Variants in C1RL observed in about 807,000 individuals in gnomAD.
The protein encoded by C1RL is complement C1r subcomponent-like protein.
Under a neutral mutation model 27.9 loss-of-function variants are expected in C1RL, and 27 were observed. That is an observed-to-expected ratio of 0.97 (90% CI 0.71 to 1.33). The LOEUF (loss-of-function observed/expected upper bound fraction) is 1.33. C1RL is among the 40% of genes most tolerant of loss of function. The pLI is 0.00. For synonymous variants in C1RL, 248 were observed against 252.1 expected, an observed-to-expected ratio of 0.98 and a Z score of 0.15; for missense variants, 563 against 623.9, an observed-to-expected ratio of 0.90 and a Z score of 1.04.
intron 3 of C1RL, among the ~76,000 whole-genome samples, 168 bp from the exon 4 acceptor site, chr12:7,100,194 G>C (rs1326867610): frequency 6.6e-6 from 1 of 152,182 alleles, no homozygotes; most frequent in African/African-American, 2.4e-5. Context: ...CACTCAAAGA[G>C]TTTGAAGATA....
At chr12:7,108,965 AGGTGTGTGTGTGTGTG>A (rs1938851250) in intron 1 of C1RL, 129 bp downstream of exon 1, 1 of 415,938 alleles carries the variant, frequency 2.4e-6, no homozygotes, top group South Asian at 1.9e-5. Flanking sequence ...TATGTGGGGG[AGGTGTGTGTGTGTGTG>A]TGTGTGTGGG....
Position 7,109,172 on chromosome 12 carries a change from T to C in C1RL, c.9A>G (p.Gly3=). The C allele has an allele frequency of 1.9e-6, 3 of 1,600,778 alleles. No individual in the cohort carries two copies. Among genetic ancestry groups the C allele is most frequent in the Non-Finnish European group, 2.6e-6 (3 of 1,173,042 alleles). ...AGAGATATTTCCCCCACACTCTGGGTCCAGGCATCTGGAACTGGACATCTG... is the reference window on the plus strand; with the variant it reads ...AGAGATATTTCCCCCACACTCTGGGCCCAGGCATCTGGAACTGGACATCTG... The part of the protein sequence containing the change: MP[G]PRVWGKYLWR... The change falls in exon 1 of 6, where the codon GGA becomes GGG. Residue 3 remains glycine, a synonymous_variant. Coordinates refer to ENST00000266542, the MANE Select transcript of C1RL (RefSeq NM_016546.4).
chr12:7,096,560 C>G lies in C1RL; in HGVS notation c.1295G>C (p.Cys432Ser), dbSNP rs772105163. Reference sequence around the variant, plus strand: ...ATAGACGCTGCCACTGTCCCCCTGGCAGACACTGTGCCTTTGCGTCTCATC... The same window carrying G: ...ATAGACGCTGCCACTGTCCCCCTGGGAGACACTGTGCCTTTGCGTCTCATC... ...VGDETQRHSV[C>S]QGDSGSVYVV... is the part of the protein sequence containing the mutation. Residue 432 changes from cysteine (C) to serine (S), a missense_variant, in exon 6 of 6, where the codon TGC becomes TCC. Physicochemically the swap from Cys to Ser is moderately radical, Grantham distance 112. Coordinates refer to ENST00000266542, the MANE Select transcript of C1RL (RefSeq NM_016546.4). 3.1e-6 allele frequency: 5 copies of G among 1,614,176 alleles called. No individual in the cohort carries two copies. Among genetic ancestry groups the G allele is most frequent in the Non-Finnish European group, 4.2e-6 (5 of 1,180,034 alleles).
chr12:7,102,197 G>A (rs954646450), intron 2 of C1RL, 110 bp from the exon 3 acceptor site: 10 of 1,141,698 alleles, frequency 8.8e-6, no homozygotes, highest in East Asian at 7.2e-5. Flanking sequence ...TAGACGGGCC[G>A]TGCCCCTCTG....
chr12:7,101,325 C>T (rs1296827664), intron 3 of C1RL, among the ~76,000 whole-genome samples: 2 of 150,788 alleles, frequency 1.3e-5, no homozygotes, highest in Non-Finnish European at 3.0e-5. Flanking sequence ...GGCTGGAGTG[C>T]GGTGGCATGA....
intron 2 of C1RL, among the ~76,000 whole-genome samples, chr12:7,107,082 A>G (rs148541746): frequency 1.3e-5 from 2 of 152,318 alleles, no homozygotes; most frequent in Non-Finnish European, 2.9e-5. Context: ...AGCTACATGA[A>G]TTGGCAAATG....
Position 7,099,041 on chromosome 12 carries a change from C to CA in C1RL, c.691+644dup, listed in dbSNP as rs35402492. Among the ~76,000 whole-genome samples, 500 of 127,616 alleles carry CA rather than the reference C, an allele frequency of 3.9e-3. 1 individual carries two copies. The highest frequency in any genetic ancestry group is 0.013 in the East Asian group (59 of 4,566). The allele number at this position is 127,616 out of a possible 152,430, so 83.7% of individuals were successfully genotyped here. On this transcript the variant is annotated intron_variant, in intron 5 of 5. Transcript: ENST00000266542. The stretch of plus-strand genomic sequence containing the variant: ...TGAAACCCTGTCTCTACTAAAAATA[C>CA]AAAAAAAAAAAAAAAATAAAATAAA...
At chr12:7,105,914 C>A (rs911917454) in intron 2 of C1RL, among the ~76,000 whole-genome samples, 2 of 151,846 alleles carry the variant, frequency 1.3e-5, no homozygotes, top group Non-Finnish European at 2.9e-5. Context: ...GTAAATAGAA[C>A]AAAACAGATA....
rs930283053 is a variant in C1RL, at chr12:7,100,132, T to C, written c.491-106A>G. 6 of 1,118,656 alleles carry C rather than the reference T, an allele frequency of 5.4e-6. No homozygotes were observed. The Admixed American group carries it at 8.7e-5, about 16-fold the overall frequency. The allele number at this position is 1,118,656 out of a possible 1,614,324, so 69.3% of individuals were successfully genotyped here. A position where few individuals can be genotyped will look rare whatever the true frequency, so the allele number is the denominator to read the frequency against. On this transcript the variant is annotated intron_variant, in intron 3 of 5. Coordinates refer to ENST00000266542, the MANE Select transcript of C1RL (RefSeq NM_016546.4). ...GACTTGCACAGTGTTTTATTTTTTA[T>C]TTTTAGTTTTTTTAAAACATTTGAG...
intron 1 of C1RL, 38 bp downstream of exon 1, chr12:7,109,072 C>G (rs752058498): frequency 2.2e-5 from 33 of 1,505,222 alleles, no homozygotes; most frequent in Non-Finnish European, 2.8e-5. Context: ...CTTCCCCTCC[C>G]GTCCTCTTCC....
intron 3 of C1RL, among the ~76,000 whole-genome samples, chr12:7,101,111 C>T (rs1178421234): frequency 0.03 from 324 of 10,896 alleles, no homozygotes; most frequent in African/African-American, 0.038. Context: ...CCTTCCTTCC[C>T]TCCCTCCCTC....
intron 5 of C1RL, chr12:7,099,422 C>T: frequency 1.0e-6 from 1 of 980,334 alleles, no homozygotes; most frequent in Non-Finnish European, 1.2e-6. Flanking sequence ...GTTACTTCAG[C>T]TTGTTGGTCT....
At chr12:7,098,847 T>C (rs1938527795) in intron 5 of C1RL, among the ~76,000 whole-genome samples, 1 of 151,982 alleles carries the variant, frequency 6.6e-6, no homozygotes, top group Admixed American at 6.5e-5. Flanking sequence ...CTGGAATTAG[T>C]GGTAATGGTT....
chr12:7,109,128 T>C lies in C1RL; in HGVS notation c.53A>G (p.Lys18Arg). 1 of 1,596,710 alleles carries C rather than the reference T, an allele frequency of 6.3e-7. No individual in the cohort carries two copies. The part of the protein sequence containing the change: ...GKYLWRSPHS[K>R]GCPGAMWWLL... Reference sequence around the variant, plus strand: ...CACTCACATTGCGCCTGGACAGCCTTTGGAGTGAGGGCTTCTCCAGAGATA... The same window carrying C: ...CACTCACATTGCGCCTGGACAGCCTCTGGAGTGAGGGCTTCTCCAGAGATA... The change falls in exon 1 of 6, where the codon AAA becomes AGA. Residue 18 changes from lysine to arginine, a missense_variant. Lys to Arg is a conservative substitution (Grantham distance 26, BLOSUM62 2). Coordinates refer to ENST00000266542, the MANE Select transcript of C1RL (RefSeq NM_016546.4).
chr12:7,101,660 T>G, intron 3 of C1RL: 108 of 517,434 alleles, frequency 2.1e-4, no homozygotes, highest in Middle Eastern at 5.2e-4. Context: ...TCTTTAAAAA[T>G]GAGATGATCT....
intron 2 of C1RL, among the ~76,000 whole-genome samples, chr12:7,107,608 T>G (rs1591601544): frequency 6.6e-6 from 1 of 152,278 alleles, no homozygotes; most frequent in African/African-American, 2.4e-5. Context: ...AAAGATAATG[T>G]GCTCTTTTTA....
intron 2 of C1RL, among the ~76,000 whole-genome samples, chr12:7,107,201 C>T (rs923796253): frequency 1.3e-5 from 2 of 151,522 alleles, no homozygotes; most frequent in Non-Finnish European, 2.9e-5. Flanking sequence ...CAGGGTCTCA[C>T]TCTGTCACCC....
At chr12:7,101,543 T>A in intron 3 of C1RL, 1 of 331,156 alleles carries the variant, frequency 3.0e-6, no homozygotes, top group Non-Finnish European at 5.7e-6. Context: ...GTGCTGGGAT[T>A]ACAGGCATGA....
At chr12:7,108,977 GTGTGTGTGTGTGGGGGGGGGGGGGA>G (rs1938855631) in intron 1 of C1RL, 108 bp downstream of exon 1, 24 of 177,006 alleles carry the variant, frequency 1.4e-4, no homozygotes, top group Non-Finnish European at 3.9e-5. Context: ...GTGTGTGTGT[GTGTGTGTGTGTGGGGGGGGGGGGGA>G]TGTGTGTGTG....
Sources: allele counts gnomAD v4.1 joint callset (sites outside exome capture counted in the v4.1 genomes callset), GRCh38; gene constraint gnomAD v4.1.1; transcripts MANE v1.5; gene names NCBI Gene and HGNC (gene_info 2026-07-23, HGNC 2026-07-21).